The following SCAF8 variants were observed in gnomAD, a reference collection of about 807,000 sequenced individuals.
SCAF8 encodes SR-related and CTD-associated factor 8.
In SCAF8, 23 loss-of-function variants were observed where a neutral mutation model predicts 140.5. The ratio of observed to expected loss-of-function variants is 0.16; its 90% confidence interval spans 0.12 to 0.23. The LOEUF (loss-of-function observed/expected upper bound fraction) is 0.23. Ranked by LOEUF, SCAF8 falls within the 10% of genes least tolerant of loss-of-function variation. SCAF8 has a pLI of 1.00. For missense variants in SCAF8, 1,397 were observed against 1,555.7 expected, an observed-to-expected ratio of 0.90 and a Z score of 1.72; for synonymous variants, 575 against 528.9, an observed-to-expected ratio of 1.09 and a Z score of -1.20.
chr6:154,768,269 C>T (rs1213911472), intron 1 of SCAF8, among the ~76,000 whole-genome samples: 1 of 152,154 alleles, frequency 6.6e-6, no homozygotes, highest in Non-Finnish European at 1.5e-5. Context: ...GACTTTGCTT[C>T]TTGAGAGCAC....
chr6:154,828,953 G>C (rs1778648729), intron 18 of SCAF8, among the ~76,000 whole-genome samples: 1 of 152,072 alleles, frequency 6.6e-6, no homozygotes, highest in South Asian at 2.1e-4. Flanking sequence ...TAGTGTTACT[G>C]CCAACAAGGC....
chr6:154,824,239 A>G lies in SCAF8; in HGVS notation c.1932A>G (p.Pro644=), dbSNP rs1292937601. Residue 644 remains proline (P), a synonymous_variant, in exon 17 of 20, where the codon CCA becomes CCG. Transcript: ENST00000367178. ...TTTTTGTCTATCCACAAAAGATTCC[A>G]GTGGCGCCAGCCGTGCCTACAGTTA... The part of the protein sequence containing the change: ...FPPPVAMLQI[P]VAPAVPTVSL... The G allele has an allele frequency of 6.2e-7, 1 of 1,613,688 alleles. No individual in the cohort carries two copies. Among genetic ancestry groups the G allele is most frequent in the Admixed American group, 1.7e-5 (1 of 59,958 alleles).
intron 1 of SCAF8, among the ~76,000 whole-genome samples, chr6:154,761,580 T>C (rs919656680): frequency 6.6e-6 from 1 of 152,250 alleles, no homozygotes; most frequent in South Asian, 2.1e-4. Context: ...GCTTTGGCTT[T>C]ATCAAAAACC....
In SCAF8 at chr6:154,809,912, T is replaced by TG. The variant is rs1381726770; in HGVS notation, c.1227-103_1227-102insG. On this transcript the variant is annotated intron_variant, in intron 11 of 19. Coordinates refer to ENST00000367178, the MANE Select transcript of SCAF8 (RefSeq NM_014892.5). ...AATATTTTAACATATTGTCACTAAA[T>TG]ATAAGACAACTTTTTTGTTATTGTT... The TG allele has an allele frequency of 1.0e-5, 10 of 954,574 alleles. No homozygotes were observed. In the African/African-American group the frequency reaches 1.7e-4, roughly 16 times the overall value. The allele number at this position is 954,574 out of a possible 1,614,324, so 59.1% of individuals were successfully genotyped here. A position where few individuals can be genotyped will look rare whatever the true frequency, so the allele number is the denominator to read the frequency against.
intron 1 of SCAF8, among the ~76,000 whole-genome samples, chr6:154,753,622 C>T (rs551207031): frequency 2.0e-5 from 3 of 151,952 alleles, no homozygotes; most frequent in African/African-American, 7.3e-5. Flanking sequence ...TAAATAAATA[C>T]ATGTATAAAG....
Position 154,833,300 on chromosome 6 carries a change from A to T in SCAF8, c.3721A>T (p.Thr1241Ser). The change falls in exon 20 of 20, where the codon ACA (threonine) becomes TCA (serine). Residue 1241 changes from threonine to serine, a missense_variant. Physicochemically the swap from Thr to Ser is moderately conservative, Grantham distance 58. Around this residue, in one of 5 missense-constraint regions of SCAF8, gnomAD observed 930 missense variants for 874.6 expected, o/e 1.06. Transcript: ENST00000367178. ...QNDPELYEKL[T>S]SSNEINKEKS... ...TGATCCTGAACTTTATGAAAAACTG[A>T]CATCTTCAAATGAAATAAACAAGGA... is the stretch of plus-strand genomic sequence containing the variant. 6.2e-7 allele frequency: 1 copy of T among 1,614,040 alleles called. No homozygotes were observed. Among genetic ancestry groups the T allele is most frequent in the Non-Finnish European group, 8.5e-7 (1 of 1,179,954 alleles).
chr6:154,756,449 T>G (rs1431746701), intron 1 of SCAF8, among the ~76,000 whole-genome samples: 2 of 152,226 alleles, frequency 1.3e-5, no homozygotes, highest in Non-Finnish European at 2.9e-5. Flanking sequence ...TGTTATTTTT[T>G]GTTTTCTAAA....
intron 19 of SCAF8, among the ~76,000 whole-genome samples, chr6:154,831,509 T>C (rs989835065): frequency 1.3e-5 from 2 of 152,004 alleles, no homozygotes; most frequent in African/African-American, 4.8e-5. Flanking sequence ...CTAATAGGTA[T>C]TATCCAGCTA....
chr6:154,831,272 A>T (rs1450397002), intron 19 of SCAF8, 132 bp downstream of exon 19: 2 of 586,730 alleles, frequency 3.4e-6, no homozygotes, highest in African/African-American at 1.9e-5. Context: ...TTTAAAAGAG[A>T]TCACTATGTC....
Position 154,801,983 on chromosome 6 carries a change from A to G in SCAF8, c.619A>G (p.Ile207Val), listed in dbSNP as rs1414740694. The change falls in exon 7 of 20, where the codon ATA becomes GTA. Residue 207 changes from isoleucine to valine, a missense_variant. Physicochemically the swap from Ile to Val is conservative, Grantham distance 29. Transcript: ENST00000367178. ...TTTTTCTCTCCAGCTTCAACAATTA[A>G]TACAAACCTTACAGATACAACAACA... ...SPQGQQLQQL[I>V]QTLQIQQQKP... 4 of 1,592,638 alleles carry G rather than the reference A, an allele frequency of 2.5e-6. No homozygotes were observed. In the African/African-American group the frequency reaches 5.5e-5, roughly 22 times the overall value.
chr6:154,733,927 C>A lies in SCAF8; in HGVS notation c.27C>A (p.Ser9Arg). 1 of 1,535,004 alleles carries A rather than the reference C, an allele frequency of 6.5e-7. No homozygotes were observed. Among genetic ancestry groups the A allele is most frequent in the South Asian group, 1.2e-5 (1 of 81,902 alleles). The change falls in exon 1 of 20, where the codon AGC becomes AGA. Residue 9 changes from serine (S) to arginine (R), a missense_variant. Physicochemically the swap from Ser to Arg is moderately radical, Grantham distance 110. This residue lies in a region of SCAF8 where 26 missense variants were observed against 20.9 expected (regional missense o/e 1.25). Transcript: ENST00000367178. Reference sequence around the variant, plus strand: ...TGGAGGCCGTGAAGACCTTCAATAGCGAGGTTGGTATGGCAGCCGGGTTCC... The same window carrying A: ...TGGAGGCCGTGAAGACCTTCAATAGAGAGGTTGGTATGGCAGCCGGGTTCC... The part of the protein sequence containing the change: MEAVKTFN[S>R]ELYSLNDYKP...
chr6:154,807,543 C>T (rs1036580568), intron 9 of SCAF8, among the ~76,000 whole-genome samples: 1 of 152,172 alleles, frequency 6.6e-6, no homozygotes, highest in Non-Finnish European at 1.5e-5. Flanking sequence ...CCGTGCCCTG[C>T]TAATTTTTCT....
At chr6:154,758,851 T>G (rs1779029982) in intron 1 of SCAF8, among the ~76,000 whole-genome samples, 1 of 152,156 alleles carries the variant, frequency 6.6e-6, no homozygotes, top group Non-Finnish European at 1.5e-5. Flanking sequence ...TTTTCTTCTT[T>G]TTTCCTTCCC....
chr6:154,815,712 A>G lies in SCAF8; in HGVS notation c.1421-4A>G. 1 of 1,576,650 alleles carries G rather than the reference A, an allele frequency of 6.3e-7. No homozygotes were observed. Among genetic ancestry groups the G allele is most frequent in the Non-Finnish European group, 8.7e-7 (1 of 1,146,978 alleles). ...TAGGTCATTTGTCTCTTGTGTCTTG[A>G]CAGTATGTAGTACTACTCTCTGGGT... On this transcript the variant is annotated splice_region_variant and splice_polypyrimidine_tract_variant and intron_variant, in intron 12 of 19. Coordinates refer to ENST00000367178, the MANE Select transcript of SCAF8 (RefSeq NM_014892.5).
intron 1 of SCAF8, among the ~76,000 whole-genome samples, chr6:154,753,400 G>A (rs1435711010): frequency 1.3e-5 from 2 of 152,136 alleles, no homozygotes; most frequent in Non-Finnish European, 2.9e-5. Context: ...CTGGGAGGCG[G>A]AGGTTGCAGT....
intron 1 of SCAF8, among the ~76,000 whole-genome samples, chr6:154,768,143 T>C: frequency 6.6e-6 from 1 of 152,218 alleles, no homozygotes; most frequent in Non-Finnish European, 1.5e-5. Flanking sequence ...CTTTTCTTTT[T>C]TGACAGTGGT....
Position 154,774,042 on chromosome 6 carries a change from A to G in SCAF8, c.84A>G (p.Gln28=), listed in dbSNP as rs1421681575. Residue 28 remains glutamine (Q), a synonymous_variant, in exon 2 of 20, where the codon CAA becomes CAG. Coordinates refer to ENST00000367178, the MANE Select transcript of SCAF8 (RefSeq NM_014892.5). ...CCATTTCGAAAGCGAAAATGACCCA[A>G]ATTACTAAGGCAGCCATCAAAGCTA... The part of the protein sequence containing the change: ...KPPISKAKMT[Q]ITKAAIKAIK... The G allele has an allele frequency of 4.3e-6, 7 of 1,612,496 alleles. No individual in the cohort carries two copies. Among genetic ancestry groups the G allele is most frequent in the East Asian group, 2.2e-5 (1 of 44,848 alleles).
At chr6:154,773,959 C>T (rs758163522) in intron 1 of SCAF8, 30 bp from the exon 2 acceptor site, 23 of 1,387,044 alleles carry the variant, frequency 1.7e-5, no homozygotes, top group Non-Finnish European at 2.3e-5. Context: ...GAGAGTTTTG[C>T]TGTATGTAAA....
intron 12 of SCAF8, among the ~76,000 whole-genome samples, chr6:154,811,228 A>G (rs755968996): frequency 1.4e-4 from 21 of 152,306 alleles, no homozygotes; most frequent in Admixed American, 2.6e-4. Context: ...AAATAATGTC[A>G]AACGTTTAAC....
Sources: gnomAD v4.1 joint callset for allele counts (sites outside exome capture counted in the v4.1 genomes callset) on GRCh38, gnomAD v4.1.1 for gene constraint, gnomAD v4.1.1 regional missense constraint, MANE v1.5 for transcripts, NCBI Gene and HGNC (gene_info 2026-07-23, HGNC 2026-07-21) for gene names.